Variants in EGFR observed in about 807,000 individuals in gnomAD.
EGFR encodes the protein epidermal growth factor receptor.
In EGFR, 58 loss-of-function variants were observed where a neutral mutation model predicts 143.0. That is an observed-to-expected ratio of 0.41 (90% confidence interval 0.33 to 0.50). EGFR has a LOEUF of 0.50. EGFR is among the 20% of genes least tolerant of loss of function. EGFR has a pLI of 0.39. For missense variants in EGFR, 1,307 were observed against 1,579.0 expected (o/e 0.83, Z 2.92); for synonymous variants, 613 against 594.4 (o/e 1.03, Z -0.45).
chr7:55,052,769 G>C (rs1016519475), intron 1 of EGFR, among the ~76,000 whole-genome samples: 2 of 152,214 alleles, frequency 1.3e-5, no homozygotes, highest in Admixed American at 1.3e-4. Context: ...CAAGGGCTCC[G>C]GGTGGGAATG....
At chr7:55,071,035 G>A (rs1300673928) in intron 1 of EGFR, among the ~76,000 whole-genome samples, 1 of 152,264 alleles carries the variant, frequency 6.6e-6, no homozygotes, top group East Asian at 1.9e-4. Context: ...CCGCTAGCAG[G>A]AGGAACAACG....
At position 55,157,457 on chromosome 7, in the gene EGFR, G is replaced by A. The variant is rs371667808; in HGVS notation, c.1208-206G>A. 2.6e-5 allele frequency among the ~76,000 whole-genome samples: 4 copies of A among 152,360 alleles called. No homozygotes were observed. In the East Asian group the frequency reaches 5.8e-4, roughly 22 times the overall value. On this transcript the variant is annotated intron_variant, in intron 10 of 27. Transcript: ENST00000275493. ...GAGACATGCGGAATCGCAGCGGAAG[G>A]CGGGAGGCAGCTGTGAACTGTGGCT...
intron 1 of EGFR, among the ~76,000 whole-genome samples, chr7:55,137,827 G>A (rs1794236186): frequency 6.6e-6 from 1 of 152,204 alleles, no homozygotes; most frequent in Non-Finnish European, 1.5e-5. Flanking sequence ...GTGTATGGGG[G>A]CAGGGATCGA....
At position 55,152,534 on chromosome 7, in the gene EGFR, G is replaced by A. The variant is rs1340489891; in HGVS notation, c.629-12G>A. 6.2e-7 allele frequency: 1 copy of A among 1,612,810 alleles called. No homozygotes were observed. Among genetic ancestry groups the A allele is most frequent in the African/African-American group, 1.3e-5 (1 of 75,034 alleles). ...ACTCTTCAGCTCACAGGGAACCTTT[G>A]CTCTTTTTCAGTGACCAAAATCATC... On this transcript the variant is annotated splice_polypyrimidine_tract_variant and intron_variant, in intron 5 of 27. Transcript: ENST00000275493.
intron 1 of EGFR, among the ~76,000 whole-genome samples, chr7:55,110,953 C>A (rs757543067): frequency 6.6e-6 from 1 of 152,172 alleles, no homozygotes; most frequent in African/African-American, 2.4e-5. Context: ...TTCCTTCCAG[C>A]GAATGGAGTT....
intron 1 of EGFR, among the ~76,000 whole-genome samples, chr7:55,087,784 C>A (rs554647703): frequency 6.6e-6 from 1 of 152,276 alleles, no homozygotes; most frequent in East Asian, 1.9e-4. Context: ...ACAGCTGAGG[C>A]CTACAGGAAC....
intron 4 of EGFR, among the ~76,000 whole-genome samples, chr7:55,147,378 C>G (rs1443867389): frequency 6.6e-6 from 1 of 152,218 alleles, no homozygotes; most frequent in Non-Finnish European, 1.5e-5. Flanking sequence ...ACTCACCCAG[C>G]TCCCCTGGGC....
At chr7:55,149,730 A>G (rs1365279735) in intron 4 of EGFR, among the ~76,000 whole-genome samples, 1 of 152,262 alleles carries the variant, frequency 6.6e-6, no homozygotes, top group Non-Finnish European at 1.5e-5. Flanking sequence ...ACATATTCTT[A>G]TACAAGAATT....
In EGFR at chr7:55,156,839, G is replaced by C; in HGVS notation, c.1207+7G>C. 6.2e-7 allele frequency: 1 copy of C among 1,614,244 alleles called. No homozygotes were observed. The highest frequency in any genetic ancestry group is 8.5e-7 in the Non-Finnish European group (1 of 1,180,038). Reference sequence around the variant, plus strand: ...ACCGTAAAGGAAATCACAGGTTTGAGCTGAATTATCACATGAATATAAATG... The same window carrying C: ...ACCGTAAAGGAAATCACAGGTTTGACCTGAATTATCACATGAATATAAATG... On this transcript the variant is annotated splice_region_variant and intron_variant, in intron 10 of 27. Coordinates refer to ENST00000275493, the MANE Select transcript of EGFR (RefSeq NM_005228.5).
intron 1 of EGFR, among the ~76,000 whole-genome samples, chr7:55,119,944 T>A (rs1793097970): frequency 2.0e-5 from 3 of 152,342 alleles, no homozygotes; most frequent in East Asian, 3.9e-4. Flanking sequence ...TGCAAAGTCC[T>A]GGGTAACTCC....
In EGFR at chr7:55,200,604, C is replaced by T. The variant is rs17337465; in HGVS notation, c.2946+191C>T. 0.014 allele frequency: 9,396 copies of T among 656,048 alleles called. 654 individuals carry two copies. The African/African-American group carries it at 0.15, about 10-fold the overall frequency. The allele number at this position is 656,048 out of a possible 1,614,324, so 40.6% of individuals were successfully genotyped here. On this transcript the variant is annotated intron_variant, in intron 24 of 27. Transcript: ENST00000275493. ...AACTAAGCAGCATCCGTGAGTGGGG[C>T]CCACCCAACTCCATCTCCCCCTCCC...
chr7:55,158,076 C>T (rs926160274), intron 11 of EGFR, among the ~76,000 whole-genome samples: 3 of 152,240 alleles, frequency 2.0e-5, no homozygotes, highest in Non-Finnish European at 4.4e-5. Flanking sequence ...TTGTCTTTCA[C>T]GGCCTTGACA....
chr7:55,161,625 T>G lies in EGFR; in HGVS notation c.1625T>G (p.Leu542Arg). 4 of 1,614,260 alleles carry G rather than the reference T, an allele frequency of 2.5e-6. No individual in the cohort carries two copies. The highest frequency in any genetic ancestry group is 2.5e-6 in the Non-Finnish European group (3 of 1,180,036). Residue 542 changes from leucine (L) to arginine (R), a missense_variant, in exon 13 of 28, where the codon CTG becomes CGG. Coordinates refer to ENST00000275493, the MANE Select transcript of EGFR (RefSeq NM_005228.5). ...GAATGCGTGGACAAGTGCAACCTTC[T>G]GGAGGGGTAGGAGGTTATTTCTTTA... is the stretch of plus-strand genomic sequence containing the variant. ...GRECVDKCNL[L>R]EGEPREFVEN...
chr7:55,048,110 TA>T (rs1788285136), intron 1 of EGFR, among the ~76,000 whole-genome samples: 1 of 152,204 alleles, frequency 6.6e-6, no homozygotes, highest in African/African-American at 2.4e-5. Context: ...ACTAATCATT[TA>T]TTAGGAGGAT....
Position 55,154,100 on chromosome 7 carries a change from G to A in EGFR, c.837G>A (p.Val279=), listed in dbSNP as rs1785290626. The A allele has an allele frequency of 3.7e-6, 6 of 1,614,214 alleles. No individual in the cohort carries two copies. The highest frequency in any genetic ancestry group is 3.4e-6 in the Non-Finnish European group (4 of 1,180,054). The part of the protein sequence containing the change: ...LYNPTTYQMD[V]NPEGKYSFGA... The stretch of plus-strand genomic sequence containing the variant: ...ACCCCACCACGTACCAGATGGATGT[G>A]AACCCCGAGGGCAAATACAGCTTTG... Residue 279 remains valine, a synonymous_variant, in exon 7 of 28, where the codon GTG becomes GTA. Transcript: ENST00000275493.
chr7:55,171,000 T>C lies in EGFR; in HGVS notation c.1881-175T>C, dbSNP rs934498046. The C allele has an allele frequency of 4.1e-6, 6 of 1,466,340 alleles. No individual in the cohort carries two copies. In the East Asian group the frequency reaches 1.2e-4, roughly 30 times the overall value. The allele number at this position is 1,466,340 out of a possible 1,614,324, so 90.8% of individuals were successfully genotyped here. A position where few individuals can be genotyped will look rare whatever the true frequency, so the allele number is the denominator to read the frequency against. ...AATATTTGCTGAGTGAATGAACAAA[T>C]GAATAAATGCATAATAAATAATTAA... On this transcript the variant is annotated intron_variant, in intron 15 of 27. Coordinates refer to ENST00000275493, the MANE Select transcript of EGFR (RefSeq NM_005228.5).
intron 1 of EGFR, among the ~76,000 whole-genome samples, chr7:55,132,642 C>T (rs1380456028): frequency 6.6e-6 from 1 of 151,902 alleles, no homozygotes; most frequent in Non-Finnish European, 1.5e-5. Flanking sequence ...GTGCTTTCGT[C>T]CCAGTTCTCG....
At chr7:55,190,376 G>A (rs1488282276) in intron 20 of EGFR, among the ~76,000 whole-genome samples, 1 of 152,068 alleles carries the variant, frequency 6.6e-6, no homozygotes, top group Admixed American at 6.5e-5. Context: ...CCTCACAAAC[G>A]GCGCCCAAAG....
chr7:55,132,076 T>C (rs1050486332), intron 1 of EGFR, among the ~76,000 whole-genome samples: 1 of 152,072 alleles, frequency 6.6e-6, no homozygotes, highest in South Asian at 2.1e-4. Flanking sequence ...CTAATGTTCA[T>C]GGGTAAACCA....
Sources: allele counts gnomAD v4.1 joint callset (sites outside exome capture counted in the v4.1 genomes callset), GRCh38; gene constraint gnomAD v4.1.1; transcripts MANE v1.5; gene names NCBI Gene and HGNC (gene_info 2026-07-23, HGNC 2026-07-21).